Variants in TARS3 observed in about 807,000 individuals in gnomAD.
TARS3 encodes the protein threonyl-tRNA synthetase 3, also known as threonine--tRNA ligase 2, cytoplasmic.
In TARS3, 94 loss-of-function variants were observed where a neutral mutation model predicts 103.5. The ratio of observed to expected loss-of-function variants is 0.91; its 90% CI spans 0.77 to 1.08. The LOEUF (loss-of-function observed/expected upper bound fraction) is 1.08, where lower values mean the gene tolerates loss of function less well. Ranked by LOEUF, TARS3 falls within the 50% of genes least tolerant of loss-of-function variation. The pLI is 0.00. For synonymous variants in TARS3, 416 were observed against 355.4 expected (o/e 1.17, Z -1.92); for missense variants, 952 against 995.2 (o/e 0.96, Z 0.58).
At chr15:101,681,675 C>T (rs1263513910) in intron 12 of TARS3, among the ~76,000 whole-genome samples, 1 of 152,230 alleles carries the variant, frequency 6.6e-6, no homozygotes, top group Non-Finnish European at 1.5e-5. Context: ...TGTGTCCTCA[C>T]ACGGCAGAGA....
At position 101,656,108 on chromosome 15, in the gene TARS3, T is replaced by TG. The variant is rs1897190262; in HGVS notation, c.2260+813dup. 5 of 1,225,208 alleles carry TG rather than the reference T, an allele frequency of 4.1e-6. No individual in the cohort carries two copies. In the South Asian group the frequency reaches 5.0e-5, roughly 12 times the overall value. 75.9% of individuals were successfully genotyped at this position (1,225,208 alleles called of 1,614,324 possible). A position where few individuals can be genotyped will look rare whatever the true frequency, so the allele number is the denominator to read the frequency against. ...AACGAGAAATGGGGAGAAATACTCCTGGTGAGGGTTGAGCTCCTGATTGCT... is the reference window on the plus strand; with the variant it reads ...AACGAGAAATGGGGAGAAATACTCCTGGGTGAGGGTTGAGCTCCTGATTGCT... On this transcript the variant is annotated intron_variant, in intron 18 of 18. Transcript: ENST00000335968.
At chr15:101,669,453 T>C (rs915415502) in intron 15 of TARS3, among the ~76,000 whole-genome samples, 8 of 152,226 alleles carry the variant, frequency 5.3e-5, no homozygotes, top group Admixed American at 1.3e-4. Flanking sequence ...AGCCTAAATG[T>C]ACAGTGTTTA....
intron 10 of TARS3, among the ~76,000 whole-genome samples, chr15:101,698,734 A>G (rs1899106060): frequency 6.6e-6 from 1 of 152,228 alleles, no homozygotes; most frequent in Non-Finnish European, 1.5e-5. Flanking sequence ...TCTGTTCCCA[A>G]CAAACTGCAC....
At chr15:101,694,581 G>A (rs1247486953) in intron 10 of TARS3, among the ~76,000 whole-genome samples, 1 of 152,184 alleles carries the variant, frequency 6.6e-6, no homozygotes, top group Non-Finnish European at 1.5e-5. Flanking sequence ...GAGGCACATG[G>A]AAGAGGGCAG....
At chr15:101,666,671 C>G (rs1282146550) in intron 15 of TARS3, among the ~76,000 whole-genome samples, 2 of 152,022 alleles carry the variant, frequency 1.3e-5, no homozygotes, top group Non-Finnish European at 2.9e-5. Flanking sequence ...TAAAGACATT[C>G]TCAGATGAAA....
chr15:101,704,093 T>C (rs1248583465), intron 7 of TARS3, among the ~76,000 whole-genome samples, 156 bp from the exon 8 acceptor site: 1 of 152,238 alleles, frequency 6.6e-6, no homozygotes, highest in Non-Finnish European at 1.5e-5. Context: ...GTGATTCATC[T>C]AGCCTCAGAG....
intron 16 of TARS3, 105 bp from the exon 17 acceptor site, chr15:101,657,962 A>C: frequency 1.5e-6 from 1 of 679,530 alleles, no homozygotes; most frequent in South Asian, 2.1e-5. Context: ...ACAAGAGGGC[A>C]GTTTCAGTAG....
chr15:101,705,956 A>G (rs1203117888), intron 6 of TARS3, among the ~76,000 whole-genome samples: 3 of 151,870 alleles, frequency 2.0e-5, no homozygotes, highest in Non-Finnish European at 4.4e-5. Flanking sequence ...AAATGCCATT[A>G]ATTTGTGGTT....
intron 12 of TARS3, 123 bp from the exon 13 acceptor site, chr15:101,675,860 T>C (rs1898000429): frequency 2.7e-6 from 3 of 1,123,756 alleles, no homozygotes; most frequent in Non-Finnish European, 3.7e-6. Flanking sequence ...TTGATGATCC[T>C]GTTTTGGTTG....
At chr15:101,706,515 T>G (rs983630577) in intron 6 of TARS3, among the ~76,000 whole-genome samples, 1 of 152,230 alleles carries the variant, frequency 6.6e-6, no homozygotes, top group Non-Finnish European at 1.5e-5. Flanking sequence ...CACATGTAGC[T>G]CAGACTAGTG....
At chr15:101,694,267 G>C (rs1898864843) in intron 10 of TARS3, among the ~76,000 whole-genome samples, 1 of 152,210 alleles carries the variant, frequency 6.6e-6, no homozygotes, top group South Asian at 2.1e-4. Context: ...GGAGCAGTGT[G>C]CACACCCAGC....
At chr15:101,696,493 A>C (rs564087497) in intron 10 of TARS3, among the ~76,000 whole-genome samples, 1 of 152,194 alleles carries the variant, frequency 6.6e-6, no homozygotes, top group African/African-American at 2.4e-5. Flanking sequence ...TGGAACTATG[A>C]AAGACAGTAA....
At chr15:101,687,902 G>A (rs759299165) in intron 10 of TARS3, among the ~76,000 whole-genome samples, 1 of 152,080 alleles carries the variant, frequency 6.6e-6, no homozygotes, top group Non-Finnish European at 1.5e-5. Flanking sequence ...TCTGCAACCT[G>A]GAAGAGGGCC....
chr15:101,662,450 T>C (rs182741681), intron 15 of TARS3, among the ~76,000 whole-genome samples: 1 of 143,864 alleles, frequency 7.0e-6, no homozygotes, highest in Non-Finnish European at 1.6e-5. Flanking sequence ...ACCAGCTAGC[T>C]ACTACTACAA....
Position 101,703,894 on chromosome 15 carries a change from G to C in TARS3, c.1039C>G (p.His347Asp). The C allele has an allele frequency of 6.2e-7, 1 of 1,613,036 alleles. No individual in the cohort carries two copies. ...IDLCKGPHVR[H>D]TGKIKTIKIF... The stretch of plus-strand genomic sequence containing the variant: ...TTGATGGTTTTAATTTTTCCAGTGT[G>C]TCTTACATGTGGACCTTTGCAAAGG... The change falls in exon 8 of 19, where the codon CAC becomes GAC. Residue 347 changes from histidine to aspartate, a missense_variant. Physicochemically the swap from His to Asp is moderately conservative, Grantham distance 81 (BLOSUM62 -1). Transcript: ENST00000335968.
chr15:101,654,489 G>C lies in TARS3; in HGVS notation c.*93C>G. The C allele has an allele frequency of 7.3e-7, 1 of 1,372,860 alleles. No individual in the cohort carries two copies. The highest frequency in any genetic ancestry group is 1.4e-5 in the South Asian group (1 of 70,712). The allele number at this position is 1,372,860 out of a possible 1,614,324, so 85.0% of individuals were successfully genotyped here. On this transcript the variant is annotated 3_prime_UTR_variant, in exon 19 of 19. Transcript: ENST00000335968. ...GAGGCCATGAGTGGACCCATCAGTG[G>C]CTCCAAAGTCGTAGAAGTACTAACA...
intron 13 of TARS3, among the ~76,000 whole-genome samples, chr15:101,673,197 C>T (rs891158516): frequency 6.6e-6 from 1 of 152,208 alleles, no homozygotes; most frequent in African/African-American, 2.4e-5. Context: ...AGTCACACCC[C>T]TGGGTGACCT....
At chr15:101,718,261 G>A (rs543054639) in intron 3 of TARS3, among the ~76,000 whole-genome samples, 1 of 151,918 alleles carries the variant, frequency 6.6e-6, no homozygotes, top group Non-Finnish European at 1.5e-5. Flanking sequence ...TCAACTACTC[G>A]GGAGGCTGAG....
chr15:101,713,253 G>A (rs1165674459), intron 4 of TARS3, among the ~76,000 whole-genome samples: 2 of 152,174 alleles, frequency 1.3e-5, no homozygotes, highest in Non-Finnish European at 1.5e-5. Context: ...GGGGACTCGG[G>A]AAGGCCTGTG....
Sources: allele counts gnomAD v4.1 joint callset (sites outside exome capture counted in the v4.1 genomes callset), GRCh38; gene constraint gnomAD v4.1.1; transcripts MANE v1.5; gene names NCBI Gene and HGNC (gene_info 2026-07-23, HGNC 2026-07-21).